The following SUSD4 variants were observed in gnomAD, a reference collection of about 807,000 sequenced individuals.
SUSD4 encodes sushi domain containing 4.
Under a neutral mutation model 50.5 loss-of-function variants are expected in SUSD4, and 41 were observed. The observed-to-expected ratio is 0.81, with a 90% CI of 0.63 to 1.05. SUSD4 has a LOEUF of 1.05. Among genes scored for constraint, SUSD4 ranks in the 50% least tolerant of loss-of-function variants. The pLI is 0.00. For synonymous variants in SUSD4, 257 were observed against 257.3 expected (o/e 1.00, Z 0.01); for missense variants, 580 against 634.7 (o/e 0.91, Z 0.93).
intron 2 of SUSD4, chr1:223,360,145 T>C (rs886924696): frequency 4.3e-6 from 2 of 467,520 alleles, no homozygotes; most frequent in African/African-American, 2.0e-5. Flanking sequence ...CCCAAAGCTA[T>C]CAAGTGGCAG....
intron 2 of SUSD4, among the ~76,000 whole-genome samples, chr1:223,293,035 G>A (rs1664599163): frequency 6.6e-6 from 1 of 152,184 alleles, no homozygotes; most frequent in Non-Finnish European, 1.5e-5. Context: ...TGAGGAAGGG[G>A]TGAAATTTCA....
At chr1:223,340,754 G>A (rs1037686096) in intron 2 of SUSD4, among the ~76,000 whole-genome samples, 5 of 152,180 alleles carry the variant, frequency 3.3e-5, no homozygotes. Context: ...TAGTCAGAGA[G>A]ACAGAACACA....
upstream of SUSD4, chr1:223,364,352 G>C (rs1382680315): frequency 6.8e-6 from 1 of 147,084 alleles, no homozygotes; most frequent in African/African-American, 2.5e-5. The surrounding 1 kb of genome is among the most constrained non-coding windows in gnomAD (Gnocchi z 4.5). Context: ...AGAGGGAGTG[G>C]GTGGGGACGG....
chr1:223,293,158 G>A (rs1664605412), intron 2 of SUSD4, among the ~76,000 whole-genome samples: 1 of 152,106 alleles, frequency 6.6e-6, no homozygotes, highest in African/African-American at 2.4e-5. Context: ...AGCAGCAAGT[G>A]GAATGTAGTT....
intron 2 of SUSD4, among the ~76,000 whole-genome samples, chr1:223,308,725 TG>T (rs964869106): frequency 1.3e-5 from 2 of 152,190 alleles, no homozygotes; most frequent in African/African-American, 4.8e-5. Flanking sequence ...CCCACAGCTC[TG>T]AGTGACAAGA....
chr1:223,252,242 TATATATATATATAAAAG>T lies in SUSD4; in HGVS notation c.724+12371_724+12387del, dbSNP rs1234368507. Among the ~76,000 whole-genome samples, 22 of 140,894 alleles carry T rather than the reference TATATATATATATAAAAG, an allele frequency of 1.6e-4. No individual in the cohort carries two copies. The East Asian group carries it at 4.5e-3, about 29-fold the overall frequency. 92.4% of individuals were successfully genotyped at this position (140,894 alleles called of 152,430 possible). A position where few individuals can be genotyped will look rare whatever the true frequency, so the allele number is the denominator to read the frequency against. ...ATTAAAAAAAAAAAAAAAAAATATA[TATATATATATATAAAAG>T]AAGAAGAGGCGAGACACACAGAGGG... On this transcript the variant is annotated intron_variant, in intron 5 of 8. Coordinates refer to ENST00000366878, the MANE Select transcript of SUSD4 (RefSeq NM_017982.4).
intron 3 of SUSD4, among the ~76,000 whole-genome samples, chr1:223,284,857 CTGGGAAGGGTA>C (rs1664031000): frequency 6.6e-6 from 1 of 151,950 alleles, no homozygotes; most frequent in Non-Finnish European, 1.5e-5. Flanking sequence ...CTACTAGAGG[CTGGGAAGGGTA>C]GGGGAAAGGG....
At chr1:223,324,462 C>T (rs1666758590) in intron 2 of SUSD4, among the ~76,000 whole-genome samples, 1 of 151,486 alleles carries the variant, frequency 6.6e-6, no homozygotes, top group East Asian at 1.9e-4. Flanking sequence ...ACAAAGATTC[C>T]CATCCAAAAT....
intron 2 of SUSD4, among the ~76,000 whole-genome samples, chr1:223,340,319 G>C (rs1460877074): frequency 6.6e-6 from 1 of 152,232 alleles, no homozygotes; most frequent in Admixed American, 6.5e-5. Flanking sequence ...GCACTGGCCT[G>C]TCCATTCTTC....
At chr1:223,256,677 T>C (rs772405025) in intron 5 of SUSD4, among the ~76,000 whole-genome samples, 3 of 152,220 alleles carry the variant, frequency 2.0e-5, no homozygotes, top group Non-Finnish European at 4.4e-5. Flanking sequence ...GTGTGAGTTC[T>C]GGTTAAGAGC....
At position 223,359,382 on chromosome 1, in the gene SUSD4, A is replaced by G. The variant is rs1547790; in HGVS notation, c.148+3896T>C. Among the ~76,000 whole-genome samples the G allele has an allele frequency of 8.6e-3, 1,316 of 152,194 alleles. 35 individuals carry two copies. Among genetic ancestry groups the G allele is most frequent in the East Asian group, 0.086 (446 of 5,168 alleles). ...GTAACCACCTTCCACACCTTTGCAC[A>G]AGCTATCCCTCCACCTGAGATGCAC... On this transcript the variant is annotated intron_variant, in intron 2 of 8. Transcript: ENST00000366878.
intron 5 of SUSD4, among the ~76,000 whole-genome samples, chr1:223,250,091 T>C (rs1197269860): frequency 2.0e-5 from 3 of 152,266 alleles, no homozygotes; most frequent in Non-Finnish European, 4.4e-5. Context: ...TTAGTGGCCA[T>C]GACCTTGGGC....
At chr1:223,348,444 G>C (rs1180942280) in intron 2 of SUSD4, among the ~76,000 whole-genome samples, 3 of 152,146 alleles carry the variant, frequency 2.0e-5, no homozygotes, top group Non-Finnish European at 4.4e-5. Context: ...TATATTTGCT[G>C]ATCAGTCTAC....
At chr1:223,340,229 T>A (rs562493530) in intron 2 of SUSD4, among the ~76,000 whole-genome samples, 1 of 152,354 alleles carries the variant, frequency 6.6e-6, no homozygotes, top group South Asian at 2.1e-4. Context: ...GGGAGGCTCA[T>A]GTGTGCCCAT....
intron 5 of SUSD4, among the ~76,000 whole-genome samples, chr1:223,243,277 C>T (rs1176466190): frequency 6.6e-6 from 1 of 152,174 alleles, no homozygotes; most frequent in Non-Finnish European, 1.5e-5. Context: ...CAGGGCTGGG[C>T]TGCCCGCCTT....
At chr1:223,295,032 C>T (rs1475965504) in intron 2 of SUSD4, among the ~76,000 whole-genome samples, 1 of 152,120 alleles carries the variant, frequency 6.6e-6, no homozygotes, top group Non-Finnish European at 1.5e-5. Context: ...TTATGAATAT[C>T]ATGAATATTG....
At chr1:223,339,124 A>G (rs902654998) in intron 2 of SUSD4, among the ~76,000 whole-genome samples, 2 of 152,152 alleles carry the variant, frequency 1.3e-5, no homozygotes, top group Non-Finnish European at 2.9e-5. Context: ...ACAGGAGGAG[A>G]CCGTTTCAAG....
intron 2 of SUSD4, among the ~76,000 whole-genome samples, chr1:223,350,269 C>T (rs550111841): frequency 3.3e-5 from 5 of 152,318 alleles, no homozygotes; most frequent in African/African-American, 1.2e-4. Flanking sequence ...GTACTGTGTT[C>T]TTATTTCTAG....
chr1:223,266,937 T>G (rs1320816975), intron 4 of SUSD4, among the ~76,000 whole-genome samples: 1 of 152,144 alleles, frequency 6.6e-6, no homozygotes, highest in African/African-American at 2.4e-5. Context: ...CAGCAAGATG[T>G]GGGGTGCACT....
Sources: gnomAD v4.1 joint callset for allele counts (sites outside exome capture counted in the v4.1 genomes callset) on GRCh38, gnomAD v4.1.1 for gene constraint, Gnocchi (gnomAD v3.1) non-coding constraint, MANE v1.5 for transcripts, NCBI Gene and HGNC (gene_info 2026-07-23, HGNC 2026-07-21) for gene names.